Variants in SLC35F4 observed in about 807,000 individuals in gnomAD.
SLC35F4 encodes the protein chromosome 14 open reading frame 36.
A neutral mutation model predicts 44.2 loss-of-function variants in SLC35F4; 24 were observed. The ratio of observed to expected loss-of-function variants is 0.54; its 90% CI spans 0.39 to 0.76. The LOEUF (loss-of-function observed/expected upper bound fraction) is 0.76. SLC35F4 is among the 30% of genes least tolerant of loss of function. The pLI is 0.00. For synonymous variants in SLC35F4, 238 were observed against 223.6 expected (o/e 1.06, Z -0.57); for missense variants, 562 against 586.1 (o/e 0.96, Z 0.42).
intron 1 of SLC35F4, among the ~76,000 whole-genome samples, chr14:57,878,969 A>G (rs1888460237): frequency 1.3e-5 from 2 of 152,170 alleles, no homozygotes; most frequent in African/African-American, 2.4e-5. Flanking sequence ...ACATTGACAA[A>G]CCAGCACTTG....
At chr14:57,931,323 A>G (rs55811463) in intron 1 of SLC35F4, among the ~76,000 whole-genome samples, 1 of 152,136 alleles carries the variant, frequency 6.6e-6, no homozygotes, top group African/African-American at 2.4e-5. Flanking sequence ...TACATCATCA[A>G]CTTTGAATTT....
At chr14:57,813,843 G>A (rs1882255312) in intron 1 of SLC35F4, among the ~76,000 whole-genome samples, 1 of 152,166 alleles carries the variant, frequency 6.6e-6, no homozygotes, top group Admixed American at 6.5e-5. Context: ...CACAGGAAGG[G>A]AGAAAAAGAG....
At chr14:57,959,791 T>C (rs541597477) in intron 1 of SLC35F4, among the ~76,000 whole-genome samples, 27 of 152,318 alleles carry the variant, frequency 1.8e-4, no homozygotes, top group Middle Eastern at 3.4e-3. Flanking sequence ...GTAAAATGCC[T>C]GGCACAGACA....
At chr14:57,840,574 A>G (rs1028110221) in intron 1 of SLC35F4, among the ~76,000 whole-genome samples, 1 of 152,188 alleles carries the variant, frequency 6.6e-6, no homozygotes, top group Admixed American at 6.5e-5. Context: ...ATTGATTCCC[A>G]TGGGTGTAGG....
chr14:57,789,510 T>A lies in SLC35F4; in HGVS notation c.103+76213A>T, dbSNP rs188186939. Reference sequence around the variant, plus strand: ...GAAATTGAGGCAGTAATTAATAGCCTACCAACCAAAAAAAGCCCCGGACCA... The same window carrying A: ...GAAATTGAGGCAGTAATTAATAGCCAACCAACCAAAAAAAGCCCCGGACCA... On this transcript the variant is annotated intron_variant, in intron 1 of 7. Coordinates refer to ENST00000556826, the MANE Select transcript of SLC35F4 (RefSeq NM_001306087.2). 2.8e-3 allele frequency among the ~76,000 whole-genome samples: 433 copies of A among 152,224 alleles called. 4 individuals are homozygous for A. Among genetic ancestry groups the A allele is most frequent in the Non-Finnish European group, 3.0e-3 (202 of 68,010 alleles).
rs549458868 is a variant in SLC35F4 at position 57,970,800 on chromosome 14, G to A, written n.282+11113C>T. Among the ~76,000 whole-genome samples, 5 of 152,214 alleles carry A rather than the reference G, an allele frequency of 3.3e-5. No homozygotes were observed. In the South Asian group the frequency reaches 6.2e-4, roughly 19 times the overall value. ...TGTAGACCTTTTGTCCTAGTACCCA[G>A]GACAGCCTCTCTAGTCAGCACTTGA... On this transcript the variant is annotated intron_variant and non_coding_transcript_variant, in intron 1 of 1. Coordinates refer to the SLC35F4 transcript ENST00000556568.
chr14:57,663,876 AG>A (rs2074220185), intron 1 of SLC35F4, among the ~76,000 whole-genome samples: 1 of 152,184 alleles, frequency 6.6e-6, no homozygotes, highest in African/African-American at 2.4e-5. Flanking sequence ...GGCAGTTCAC[AG>A]GTGCTACACA....
intron 1 of SLC35F4, among the ~76,000 whole-genome samples, chr14:57,918,338 A>G (rs1889372613): frequency 6.6e-6 from 1 of 152,160 alleles, no homozygotes; most frequent in Admixed American, 6.5e-5. Context: ...CTACCCCAGT[A>G]CTGACTCCTC....
intron 1 of SLC35F4, among the ~76,000 whole-genome samples, chr14:57,887,884 T>C (rs1000931787): frequency 3.3e-5 from 5 of 152,274 alleles, no homozygotes; most frequent in Non-Finnish European, 7.4e-5. Context: ...CACACACACA[T>C]GCACATGCAC....
intron 1 of SLC35F4, 55 bp from the exon 2 acceptor site, chr14:57,594,179 G>T: frequency 6.8e-7 from 1 of 1,475,388 alleles, no homozygotes; most frequent in East Asian, 2.3e-5. Flanking sequence ...ATTGGAAGTA[G>T]ATTTTATTAT....
intron 1 of SLC35F4, among the ~76,000 whole-genome samples, chr14:57,849,996 A>G (rs1886416106): frequency 6.6e-6 from 1 of 152,224 alleles, no homozygotes; most frequent in South Asian, 2.1e-4. Flanking sequence ...TTTATCAAAT[A>G]AAACTATCTC....
intron 1 of SLC35F4, among the ~76,000 whole-genome samples, chr14:57,782,635 C>T (rs2077651265): frequency 6.6e-6 from 1 of 152,184 alleles, no homozygotes. Flanking sequence ...TTGTAGCCAC[C>T]TCTGGCTGCT....
chr14:57,668,632 G>C (rs1228660574), intron 1 of SLC35F4, among the ~76,000 whole-genome samples: 1 of 152,098 alleles, frequency 6.6e-6, no homozygotes, highest in Non-Finnish European at 1.5e-5. Context: ...TCAAAGATCA[G>C]ATAGTTGTAG....
At chr14:57,853,746 G>C (rs950935357) in intron 1 of SLC35F4, among the ~76,000 whole-genome samples, 1 of 152,136 alleles carries the variant, frequency 6.6e-6, no homozygotes, top group Non-Finnish European at 1.5e-5. Context: ...ACAAGAATGG[G>C]GAGCATGTGC....
chr14:57,937,633 AAGAAAAG>A (rs1391341402), intron 1 of SLC35F4, among the ~76,000 whole-genome samples: 7 of 133,296 alleles, frequency 5.3e-5, no homozygotes, highest in Non-Finnish European at 8.0e-5. Flanking sequence ...AAGAAAAGAA[AAGAAAAG>A]AAAAGAAAAG....
chr14:57,758,836 A>G (rs1057050710), intron 1 of SLC35F4, among the ~76,000 whole-genome samples: 1 of 152,118 alleles, frequency 6.6e-6, no homozygotes, highest in Non-Finnish European at 1.5e-5. Context: ...GATCTCTAGA[A>G]GCTATTCTTC....
At chr14:57,715,224 C>G (rs1033516662) in intron 1 of SLC35F4, among the ~76,000 whole-genome samples, 1 of 151,930 alleles carries the variant, frequency 6.6e-6, no homozygotes, top group African/African-American at 2.4e-5. Context: ...GACAATAATG[C>G]AGAAGAATGC....
At chr14:57,871,023 C>A (rs768512792), upstream of SLC35F4, among the ~76,000 whole-genome samples, 2 of 152,182 alleles carry the variant, frequency 1.3e-5, no homozygotes, top group African/African-American at 4.8e-5. Context: ...GGAAAGGGAC[C>A]GAGGCTGTTA....
At chr14:57,649,514 C>G (rs2073691191) in intron 1 of SLC35F4, among the ~76,000 whole-genome samples, 2 of 152,104 alleles carry the variant, frequency 1.3e-5, no homozygotes, top group Non-Finnish European at 1.5e-5. Context: ...TGCAGATAAT[C>G]TGGGATAATC....
Sources: gnomAD v4.1 joint callset for allele counts (sites outside exome capture counted in the v4.1 genomes callset) on GRCh38, gnomAD v4.1.1 for gene constraint, MANE v1.5 for transcripts, NCBI Gene and HGNC (gene_info 2026-07-23, HGNC 2026-07-21) for gene names.